Variants in TRIM71 observed in about 807,000 individuals in gnomAD.
TRIM71 encodes tripartite motif containing 71.
A neutral mutation model predicts 61.2 loss-of-function variants in TRIM71; 9 were observed. The ratio of observed to expected loss-of-function variants is 0.15; its 90% CI spans 0.09 to 0.26. The LOEUF (loss-of-function observed/expected upper bound fraction) is 0.26, where lower values mean the gene tolerates loss of function less well. Ranked by LOEUF, TRIM71 falls within the 10% of genes least tolerant of loss-of-function variation. TRIM71 has a pLI of 1.00. For missense variants in TRIM71, 998 were observed against 1,238.7 expected, an observed-to-expected ratio of 0.81 and a Z score of 2.92; for synonymous variants, 645 against 553.2, an observed-to-expected ratio of 1.17 and a Z score of -2.33.
In TRIM71 at chr3:32,818,875, C is replaced by T; in HGVS notation, c.795C>T (p.Phe265=). 1 of 1,612,650 alleles carries T rather than the reference C, an allele frequency of 6.2e-7. No homozygotes were observed. The highest frequency in any genetic ancestry group is 8.5e-7 in the Non-Finnish European group (1 of 1,179,828). ...GLGPPFPGPP[F]SILSVFPERL... ...GGCCGCCCTTTCCCGGCCCGCCCTT[C>T]TCCATCCTCTCAGTGTTTCCCGAGC... The change falls in exon 1 of 4, where the codon TTC becomes TTT. Residue 265 remains phenylalanine, a synonymous_variant. Coordinates refer to ENST00000383763, the MANE Select transcript of TRIM71 (RefSeq NM_001039111.3).
intron 1 of TRIM71, among the ~76,000 whole-genome samples, chr3:32,838,122 T>C (rs987220840): frequency 6.6e-6 from 1 of 152,138 alleles, no homozygotes; most frequent in Non-Finnish European, 1.5e-5. Context: ...CTTACATCAG[T>C]ATAAAGGGAG....
Position 32,818,564 on chromosome 3 carries a change from G to T in TRIM71, c.484G>T (p.Ala162Ser). 6 of 1,258,208 alleles carry T rather than the reference G, an allele frequency of 4.8e-6. No homozygotes were observed. Among genetic ancestry groups the T allele is most frequent in the Non-Finnish European group, 5.9e-6 (6 of 1,009,262 alleles). 77.9% of individuals were successfully genotyped at this position (1,258,208 alleles called of 1,614,324 possible). Residue 162 changes from alanine (A) to serine (S), a missense_variant, in exon 1 of 4, where the codon GCC becomes TCC. Ala to Ser is a moderately conservative substitution (Grantham distance 99). Transcript: ENST00000383763. ...TCACCACGCGCACCCGCGCGCGTCCGCCTCCGCGCCGCCACTCCCGCAGGC... is the reference window on the plus strand; with the variant it reads ...TCACCACGCGCACCCGCGCGCGTCCTCCTCCGCGCCGCCACTCCCGCAGGC... The part of the protein sequence containing the change: ...HAHHAHPRAS[A>S]SAPPLPQAPQ...
At position 32,833,184 on chromosome 3, in the gene TRIM71, T is replaced by TAAAAAAAAAAAAAAAAAAAAAA. The variant is rs1182178339; in HGVS notation, c.852+14259_852+14280dup. On this transcript the variant is annotated intron_variant, in intron 1 of 3. Coordinates refer to ENST00000383763, the MANE Select transcript of TRIM71 (RefSeq NM_001039111.3). ...GGTGACAAGAATGAAACTCTGTCTT[T>TAAAAAAAAAAAAAAAAAAAAAA]AAAAAAAAAAAAAAAAAAAAAAAAA... 3.7e-4 allele frequency among the ~76,000 whole-genome samples: 20 copies of TAAAAAAAAAAAAAAAAAAAAAA among 54,428 alleles called. 1 individual carries two copies. The highest frequency in any genetic ancestry group is 3.5e-3 in the East Asian group (4 of 1,158). 35.7% of individuals were successfully genotyped at this position (54,428 alleles called of 152,430 possible).
rs1696423192 is a variant in TRIM71 at position 32,842,786 on chromosome 3, C to T, written c.852+23854C>T. Among the ~76,000 whole-genome samples, 3 of 152,132 alleles carry T rather than the reference C, an allele frequency of 2.0e-5. 1 individual carries two copies. Among genetic ancestry groups the T allele is most frequent in the South Asian group, 4.1e-4 (2 of 4,826 alleles). ...ATCTCCCCACCCCCACCCAAGAACC[C>T]TCTGTTCTGCAATTTGGTACATCTT... On this transcript the variant is annotated intron_variant, in intron 1 of 3. Transcript: ENST00000383763.
At chr3:32,830,047 C>G (rs372144126) in intron 1 of TRIM71, among the ~76,000 whole-genome samples, 2 of 151,506 alleles carry the variant, frequency 1.3e-5, no homozygotes, top group African/African-American at 4.9e-5. Context: ...TCCTGCCTCC[C>G]CGGGTATATG....
intron 1 of TRIM71, among the ~76,000 whole-genome samples, chr3:32,868,955 G>A (rs1696769151): frequency 6.6e-6 from 1 of 152,182 alleles, no homozygotes; most frequent in South Asian, 2.1e-4. Context: ...TCTGCTGAGG[G>A]TTTGGGCTGC....
rs1359848729 is a variant in TRIM71, at chr3:32,891,250, C to T, written c.2046C>T (p.Phe682=). ...KDNHRIQIFT[F]EGQFLLKFGE... is the part of the protein sequence containing the mutation. ...ATCATCGCATCCAGATCTTCACGTT[C>T]GAGGGCCAGTTCCTCCTCAAGTTTG... is the stretch of plus-strand genomic sequence containing the variant. The change falls in exon 4 of 4, where the codon TTC becomes TTT. Residue 682 remains phenylalanine, a synonymous_variant. Coordinates refer to ENST00000383763, the MANE Select transcript of TRIM71 (RefSeq NM_001039111.3). The surrounding 1 kb of genome is among the most constrained non-coding windows in gnomAD (Gnocchi z 8.2). The T allele has an allele frequency of 7.4e-6, 12 of 1,613,206 alleles. No homozygotes were observed. Among genetic ancestry groups the T allele is most frequent in the South Asian group, 3.3e-5 (3 of 91,016 alleles).
intron 1 of TRIM71, among the ~76,000 whole-genome samples, chr3:32,869,146 C>G (rs116406883): frequency 1.6e-3 from 244 of 152,294 alleles, no homozygotes; most frequent in African/African-American, 5.5e-3. Context: ...AAGGCTTCTT[C>G]TGGGCCTCAT....
rs371337280 is a variant in TRIM71 at position 32,820,188 on chromosome 3, C to A, written c.852+1256C>A. ...TAAAAGCCATAGTGGGGGTCGTGGC[C>A]TGTGTGAGCTGGAGAGTGGGTACCG... is the stretch of plus-strand genomic sequence containing the variant. On this transcript the variant is annotated intron_variant, in intron 1 of 3. Transcript: ENST00000383763. Among the ~76,000 whole-genome samples, 8 of 152,302 alleles carry A rather than the reference C, an allele frequency of 5.3e-5. No homozygotes were observed. The East Asian group carries it at 1.5e-3, about 29-fold the overall frequency.
rs1559548651 is a variant in TRIM71 at position 32,874,370 on chromosome 3, A to ACT, written c.1020+385_1020+386insCT. Reference sequence around the variant, plus strand: ...CTACTACTACTACTACTACTACTACAACATATTTTTTGAGATGAGTCTTGC... The same window carrying ACT: ...CTACTACTACTACTACTACTACTACACTACATATTTTTTGAGATGAGTCTTGC... On this transcript the variant is annotated intron_variant, in intron 2 of 3. Transcript: ENST00000383763. Among the ~76,000 whole-genome samples the ACT allele has an allele frequency of 5.5e-5, 8 of 145,444 alleles. No individual in the cohort carries two copies. In the South Asian group the frequency reaches 1.5e-3, roughly 27 times the overall value.
chr3:32,819,325 C>T (rs912823959), intron 1 of TRIM71, among the ~76,000 whole-genome samples: 2 of 152,094 alleles, frequency 1.3e-5, no homozygotes, highest in Non-Finnish European at 2.9e-5. Context: ...AGAAGGCGCT[C>T]CTTTATTTTC....
chr3:32,834,498 TA>T (rs1696309567), intron 1 of TRIM71, among the ~76,000 whole-genome samples: 1 of 152,170 alleles, frequency 6.6e-6, no homozygotes, highest in African/African-American at 2.4e-5. Flanking sequence ...TGAAAGGCAT[TA>T]AATATACCAG....
chr3:32,829,626 T>TTGTGTGTGTGTGTGTGTGTGTG (rs10524029), intron 1 of TRIM71, among the ~76,000 whole-genome samples: 131 of 148,778 alleles, frequency 8.8e-4, no homozygotes, highest in African/African-American at 2.7e-3. Context: ...TGTCATGGTA[T>TTGTGTGTGTGTGTGTGTGTGTG]TGTGTGTGTG....
At chr3:32,852,119 C>CGGTCCT (rs1696544863) in intron 1 of TRIM71, among the ~76,000 whole-genome samples, 1 of 152,158 alleles carries the variant, frequency 6.6e-6, no homozygotes, top group African/African-American at 2.4e-5. Context: ...GTTTTATGGT[C>CGGTCCT]GGTCCTCGGC....
chr3:32,831,847 C>T (rs1166715433), intron 1 of TRIM71, among the ~76,000 whole-genome samples: 1 of 152,118 alleles, frequency 6.6e-6, no homozygotes. Flanking sequence ...TGTTATCTTC[C>T]TTAAAAGATA....
rs1383916206 is a variant in TRIM71 at position 32,892,937 on chromosome 3, C to G, written c.*1126C>G. The G allele has an allele frequency of 2.0e-5, 3 of 152,180 alleles. No individual in the cohort carries two copies. The highest frequency in any genetic ancestry group is 1.3e-4 in the Admixed American group (2 of 15,280). 9.4% of individuals were successfully genotyped at this position (152,180 alleles called of 1,614,324 possible). A position where few individuals can be genotyped will look rare whatever the true frequency, so the allele number is the denominator to read the frequency against. On this transcript the variant is annotated 3_prime_UTR_variant, in exon 4 of 4. Transcript: ENST00000383763. ...AGGAACTCCACAGAAAGGGCAGGGT[C>G]TGCCCTGACCCGCGAGTGCATGTTG... is the stretch of plus-strand genomic sequence containing the variant.
chr3:32,883,968 C>T (rs1696934679), intron 2 of TRIM71, among the ~76,000 whole-genome samples: 1 of 152,186 alleles, frequency 6.6e-6, no homozygotes, highest in South Asian at 2.1e-4. Context: ...GTGAAGCATT[C>T]CAGGCTGTGG....
chr3:32,822,307 C>G (rs545933720), intron 1 of TRIM71, among the ~76,000 whole-genome samples: 1 of 151,996 alleles, frequency 6.6e-6, no homozygotes, highest in African/African-American at 2.4e-5. Context: ...TTTCTGGAGT[C>G]TGGTTGGAAA....
At chr3:32,856,379 C>CT (rs1696605445) in intron 1 of TRIM71, among the ~76,000 whole-genome samples, 1 of 151,998 alleles carries the variant, frequency 6.6e-6, no homozygotes, top group Non-Finnish European at 1.5e-5. Flanking sequence ...CCTACTTGCA[C>CT]TTTAAGACTT....
Sources: gnomAD v4.1 joint callset for allele counts (sites outside exome capture counted in the v4.1 genomes callset) on GRCh38, gnomAD v4.1.1 for gene constraint, Gnocchi (gnomAD v3.1) non-coding constraint, MANE v1.5 for transcripts, NCBI Gene and HGNC (gene_info 2026-07-23, HGNC 2026-07-21) for gene names.